Variants in CCDC171 observed in about 807,000 individuals in gnomAD.
CCDC171 encodes the protein coiled-coil domain-containing protein 171.
A neutral mutation model predicts 168.2 loss-of-function variants in CCDC171; 177 were observed. The observed-to-expected ratio is 1.05, with a 90% confidence interval of 0.93 to 1.19. CCDC171 has a LOEUF of 1.19. Ranked by LOEUF, CCDC171 falls within the 50% of genes most tolerant of loss-of-function variation. CCDC171 has a pLI of 0.00. For missense variants in CCDC171, 1,991 were observed against 1,539.0 expected, an observed-to-expected ratio of 1.29 and a Z score of -4.91; for synonymous variants, 687 against 540.8, an observed-to-expected ratio of 1.27 and a Z score of -3.75.
At position 15,744,468 on chromosome 9, in the gene CCDC171, T is replaced by A; in HGVS notation, c.2245T>A (p.Ser749Thr). The stretch of plus-strand genomic sequence containing the variant: ...CCTCTATAGCCGATCATGCGCCTTG[T>A]CTACACAGAGAGATTTTCTCCAGGA... The part of the protein sequence containing the change: ...YPLYSRSCAL[S>T]TQRDFLQEQV... The change falls in exon 17 of 26, where the codon TCT (serine) becomes ACT (threonine). Residue 749 changes from serine to threonine, a missense_variant. Physicochemically the swap from Ser to Thr is moderately conservative, Grantham distance 58. Coordinates refer to ENST00000380701, the MANE Select transcript of CCDC171 (RefSeq NM_173550.4). 1 of 1,614,176 alleles carries A rather than the reference T, an allele frequency of 6.2e-7. No homozygotes were observed.
the CCDC171 span, among the ~76,000 whole-genome samples, chr9:16,098,835 T>C: frequency 2.0e-5 from 3 of 152,144 alleles, no homozygotes; most frequent in Non-Finnish European, 2.9e-5. Context: ...AGCATCTAAA[T>C]TGGGAGTGGG....
At chr9:15,828,969 C>G (rs9407653) in intron 21 of CCDC171, among the ~76,000 whole-genome samples, 67,198 of 151,998 alleles carry the variant, frequency 0.44, 15,058 homozygotes, top group African/African-American at 0.47. Flanking sequence ...TGAGTCCTGT[C>G]TCTGCTAGGA....
chr9:15,855,363 T>A (rs1456004616), intron 23 of CCDC171, among the ~76,000 whole-genome samples: 1 of 151,894 alleles, frequency 6.6e-6, no homozygotes, highest in Non-Finnish European at 1.5e-5. Context: ...GTGTAGGCGC[T>A]CCAGCTCTCT....
intron 7 of CCDC171, among the ~76,000 whole-genome samples, chr9:15,633,641 A>T (rs1481888813): frequency 6.6e-6 from 1 of 152,232 alleles, no homozygotes; most frequent in Non-Finnish European, 1.5e-5. Context: ...CTAGTACTAG[A>T]AATACCATTT....
chr9:15,688,162 A>G (rs542988115), intron 10 of CCDC171, among the ~76,000 whole-genome samples: 30 of 151,954 alleles, frequency 2.0e-4, no homozygotes, highest in South Asian at 1.9e-3. Flanking sequence ...TAGAAAATCA[A>G]TGCAATAGCA....
At chr9:15,824,129 T>C in intron 21 of CCDC171, among the ~76,000 whole-genome samples, 1 of 152,032 alleles carries the variant, frequency 6.6e-6, no homozygotes, top group Non-Finnish European at 1.5e-5. Context: ...TTTTATTAAA[T>C]GAAAAAACAT....
chr9:15,626,058 G>T (rs2045070189), intron 7 of CCDC171, among the ~76,000 whole-genome samples: 1 of 152,048 alleles, frequency 6.6e-6, no homozygotes, highest in South Asian at 2.1e-4. Flanking sequence ...GGATTCCTAG[G>T]TATTTTATTC....
chr9:15,985,815 TTGAC>T (rs1169011695), intron 3 of CCDC171, among the ~76,000 whole-genome samples: 10 of 152,332 alleles, frequency 6.6e-5, no homozygotes, highest in Middle Eastern at 3.4e-3. Flanking sequence ...ATGAGTCCCT[TTGAC>T]AGACCCACCT....
intron 11 of CCDC171, among the ~76,000 whole-genome samples, chr9:15,715,705 T>C (rs2053029328): frequency 6.6e-6 from 1 of 152,202 alleles, no homozygotes; most frequent in African/African-American, 2.4e-5. Flanking sequence ...TGTAGAAAAA[T>C]GAAGTAGGTA....
chr9:15,657,572 ATTTCTT>A (rs1387735420), intron 8 of CCDC171, among the ~76,000 whole-genome samples: 4 of 152,096 alleles, frequency 2.6e-5, no homozygotes, highest in African/African-American at 9.7e-5. Context: ...TGTGGGATGG[ATTTCTT>A]TTTGAGAACG....
At chr9:16,027,753 G>A (rs1307808451) in intron 6 of CCDC171, among the ~76,000 whole-genome samples, 2 of 152,174 alleles carry the variant, frequency 1.3e-5, no homozygotes, top group East Asian at 1.9e-4. Context: ...AGTCAAGGGC[G>A]AACAGGGACG....
intron 9 of CCDC171, among the ~76,000 whole-genome samples, chr9:15,669,710 A>G (rs1485677795): frequency 6.6e-6 from 1 of 152,188 alleles, no homozygotes; most frequent in African/African-American, 2.4e-5. Context: ...TAGTTGAAAC[A>G]TAAATTTAAT....
chr9:15,797,592 C>T (rs1564426375), intron 21 of CCDC171, among the ~76,000 whole-genome samples: 1 of 152,042 alleles, frequency 6.6e-6, no homozygotes, highest in Admixed American at 6.5e-5. Context: ...TATATAGATT[C>T]TTTTTTCACA....
At chr9:16,091,463 C>G in the CCDC171 span, among the ~76,000 whole-genome samples, 13 of 152,220 alleles carry the variant, frequency 8.5e-5, no homozygotes, top group Admixed American at 3.9e-4. Flanking sequence ...AAATCTGACT[C>G]AGGAGTCACC....
intron 6 of CCDC171, among the ~76,000 whole-genome samples, chr9:15,594,505 T>G (rs1339465494): frequency 6.6e-6 from 1 of 152,296 alleles, no homozygotes; most frequent in East Asian, 1.9e-4. Flanking sequence ...ATTCTGGATG[T>G]TAAAGAATCC....
At chr9:16,058,655 C>A (rs1047518144) in intron 1 of CCDC171, among the ~76,000 whole-genome samples, 2 of 152,198 alleles carry the variant, frequency 1.3e-5, no homozygotes, top group African/African-American at 4.8e-5. Context: ...AGCAAAGATA[C>A]CAATTCCCCG....
At chr9:15,795,229 A>T (rs1013947734) in intron 21 of CCDC171, among the ~76,000 whole-genome samples, 1 of 152,116 alleles carries the variant, frequency 6.6e-6, no homozygotes, top group Admixed American at 6.5e-5. Context: ...AGGGGGCCAA[A>T]CCCATCCTTT....
rs181577397 is a variant in CCDC171, at chr9:15,711,014, G to T, written c.1319-10755G>T. 2.0e-3 allele frequency among the ~76,000 whole-genome samples: 311 copies of T among 152,156 alleles called. 2 individuals are homozygous for T. Among genetic ancestry groups the T allele is most frequent in the African/African-American group, 6.9e-3 (287 of 41,508 alleles). ...TGCATCCCATTGTATAGTTTAACAT[G>T]TTTTTTTGTTCTGTAGATTTTCTCC... is the stretch of plus-strand genomic sequence containing the variant. On this transcript the variant is annotated intron_variant, in intron 11 of 25. Coordinates refer to ENST00000380701, the MANE Select transcript of CCDC171 (RefSeq NM_173550.4).
At chr9:16,072,861 C>A in the CCDC171 span, among the ~76,000 whole-genome samples, 12 of 152,186 alleles carry the variant, frequency 7.9e-5, no homozygotes, top group African/African-American at 2.4e-4. Context: ...TCTTTCTTAC[C>A]GCTTTCTCTG....
Sources: gnomAD v4.1 joint callset for allele counts (sites outside exome capture counted in the v4.1 genomes callset) on GRCh38, gnomAD v4.1.1 for gene constraint, MANE v1.5 for transcripts, NCBI Gene and HGNC (gene_info 2026-07-23, HGNC 2026-07-21) for gene names.